CIB4: variants seen among roughly 807,000 people sequenced by gnomAD.
CIB4 encodes the protein calcium and integrin binding family member 4.
In CIB4, 25 loss-of-function variants were observed where a neutral mutation model predicts 25.8. The observed-to-expected ratio is 0.97, with a 90% CI of 0.71 to 1.35. The LOEUF (loss-of-function observed/expected upper bound fraction) is 1.35. CIB4 is among the 40% of genes most tolerant of loss of function. CIB4 has a pLI of 0.00. For synonymous variants in CIB4, 75 were observed against 81.4 expected (o/e 0.92, Z 0.42); for missense variants, 235 against 228.2 (o/e 1.03, Z -0.19).
At chr2:26,598,386 A>G (rs1274004979) in intron 3 of CIB4, among the ~76,000 whole-genome samples, 1 of 152,082 alleles carries the variant, frequency 6.6e-6, no homozygotes, top group Non-Finnish European at 1.5e-5. Flanking sequence ...GCCGGCTAAA[A>G]ATGACTCTGT....
At position 26,584,746 on chromosome 2, in the gene CIB4, C is replaced by A. The variant is rs1052094954; in HGVS notation, c.329-848G>T. On this transcript the variant is annotated intron_variant, in intron 4 of 6. Transcript: ENST00000288861. ...CATTTCACATCCCCCTGTAAAATAA[C>A]CCAGGATGCTGCCGTGGCCCTGGTG... Among the ~76,000 whole-genome samples, 150 of 152,282 alleles carry A rather than the reference C, an allele frequency of 9.9e-4. 1 individual carries two copies. The highest frequency in any genetic ancestry group is 1.8e-3 in the Non-Finnish European group (124 of 68,008).
intron 3 of CIB4, among the ~76,000 whole-genome samples, chr2:26,598,363 G>A (rs897849466): frequency 6.6e-6 from 1 of 151,940 alleles, no homozygotes; most frequent in Admixed American, 6.6e-5. Context: ...TCATGGCCCA[G>A]GAGAACTCAG....
intron 4 of CIB4, among the ~76,000 whole-genome samples, chr2:26,591,438 G>A (rs899364196): frequency 6.6e-6 from 1 of 152,186 alleles, no homozygotes; most frequent in Non-Finnish European, 1.5e-5. Context: ...AGAGATGAGA[G>A]ACGAGGCAGC....
intron 4 of CIB4, among the ~76,000 whole-genome samples, chr2:26,593,879 G>A (rs780449954): frequency 3.3e-5 from 5 of 152,044 alleles, no homozygotes; most frequent in Non-Finnish European, 7.4e-5. Context: ...AAAGAGATAT[G>A]GGCGTAGTTT....
intron 3 of CIB4, among the ~76,000 whole-genome samples, chr2:26,624,334 C>T (rs1316588820): frequency 1.3e-5 from 2 of 152,194 alleles, no homozygotes; most frequent in Non-Finnish European, 2.9e-5. Context: ...AGCCGGGCCC[C>T]CACCTCCCAG....
chr2:26,621,252 GAAAAAAAAA>G (rs10689851), intron 3 of CIB4, among the ~76,000 whole-genome samples: 2 of 101,912 alleles, frequency 2.0e-5, no homozygotes, highest in Non-Finnish European at 3.9e-5. Context: ...AAGTTTCCAG[GAAAAAAAAA>G]AAAAAAAAAA....
intron 4 of CIB4, 39 bp downstream of exon 4, chr2:26,595,137 C>T (rs2148196909): frequency 1.3e-6 from 2 of 1,581,352 alleles, no homozygotes; most frequent in South Asian, 1.1e-5. Context: ...TCTCTATGGC[C>T]TTTCCACCCC....
chr2:26,638,226 C>T (rs1414591600), intron 2 of CIB4, among the ~76,000 whole-genome samples: 1 of 152,210 alleles, frequency 6.6e-6, no homozygotes, highest in African/African-American at 2.4e-5. Context: ...CAGGGACCCA[C>T]CTCCCCAACA....
At chr2:26,594,040 C>G (rs955913340) in intron 4 of CIB4, among the ~76,000 whole-genome samples, 1 of 152,154 alleles carries the variant, frequency 6.6e-6, no homozygotes, top group South Asian at 2.1e-4. Context: ...CTCACTGAAG[C>G]CTACCTTCAG....
Position 26,595,164 on chromosome 2 carries a change from CA to C in CIB4, c.328+11del, listed in dbSNP as rs1223350072. 1 of 1,603,648 alleles carries C rather than the reference CA, an allele frequency of 6.2e-7. No individual in the cohort carries two copies. The highest frequency in any genetic ancestry group is 1.3e-5 in the African/African-American group (1 of 74,738). On this transcript the variant is annotated intron_variant, in intron 4 of 6. Coordinates refer to ENST00000288861, the MANE Select transcript of CIB4 (RefSeq NM_001029881.3). Reference sequence around the variant, plus strand: ...TTCCACCCCTCACCCCTCAGTCCCCCACAGCACCTACCATAGATGCGAAAGG... The same window carrying C: ...TTCCACCCCTCACCCCTCAGTCCCCCCAGCACCTACCATAGATGCGAAAGG...
At chr2:26,586,392 G>T (rs1276695647) in intron 4 of CIB4, among the ~76,000 whole-genome samples, 2 of 152,076 alleles carry the variant, frequency 1.3e-5, no homozygotes, top group African/African-American at 4.8e-5. Context: ...CTCCTCCTAG[G>T]GCATCACCCA....
chr2:26,601,405 G>A (rs1668787182), intron 3 of CIB4, among the ~76,000 whole-genome samples: 1 of 151,888 alleles, frequency 6.6e-6, no homozygotes, highest in Non-Finnish European at 1.5e-5. Context: ...AGATAACATG[G>A]CAATGCTGTG....
chr2:26,608,129 T>G (rs1668926867), intron 3 of CIB4, among the ~76,000 whole-genome samples: 2 of 151,842 alleles, frequency 1.3e-5, no homozygotes, highest in African/African-American at 4.8e-5. Flanking sequence ...TCTCAGCTAC[T>G]CAGGAGGCTG....
At chr2:26,589,257 A>T (rs1399414087) in intron 4 of CIB4, among the ~76,000 whole-genome samples, 2 of 111,716 alleles carry the variant, frequency 1.8e-5, no homozygotes, top group Admixed American at 1.1e-4. Context: ...CCTTCCTCCT[A>T]TTCTCCTTCC....
intron 3 of CIB4, among the ~76,000 whole-genome samples, chr2:26,622,847 G>T (rs953493160): frequency 2.0e-5 from 3 of 152,120 alleles, no homozygotes; most frequent in African/African-American, 7.2e-5. Flanking sequence ...GCCAGGCATG[G>T]CGGCACGCGC....
chr2:26,601,530 T>G (rs1179597808), intron 3 of CIB4, among the ~76,000 whole-genome samples: 1 of 151,770 alleles, frequency 6.6e-6, no homozygotes, highest in Non-Finnish European at 1.5e-5. Flanking sequence ...AAATCCAGAC[T>G]GATCATAGAT....
chr2:26,614,935 G>A (rs77806492), intron 3 of CIB4, among the ~76,000 whole-genome samples: 3,611 of 152,330 alleles, frequency 0.024, 74 homozygotes, highest in Non-Finnish European at 0.037. Context: ...GGAGCTTTGA[G>A]AGAAGTCACG....
chr2:26,590,143 G>C (rs926845533), intron 4 of CIB4, among the ~76,000 whole-genome samples: 1 of 150,922 alleles, frequency 6.6e-6, no homozygotes, highest in Admixed American at 6.7e-5. Flanking sequence ...TAGAGCAACA[G>C]TTCTCACAGT....
intron 3 of CIB4, among the ~76,000 whole-genome samples, chr2:26,598,465 G>A (rs571322786): frequency 1.7e-4 from 26 of 152,270 alleles, no homozygotes; most frequent in East Asian, 7.7e-4. Context: ...GAAGAGAGAA[G>A]GTCAAAGAAG....
Sources: allele counts gnomAD v4.1 joint callset (sites outside exome capture counted in the v4.1 genomes callset), GRCh38; gene constraint gnomAD v4.1.1; transcripts MANE v1.5; gene names NCBI Gene and HGNC (gene_info 2026-07-23, HGNC 2026-07-21).